FAM111A: variants seen among roughly 807,000 people sequenced by gnomAD.
FAM111A encodes the protein serine protease FAM111A.
Under a neutral mutation model 3.3 loss-of-function variants are expected in FAM111A, and 8 were observed. That is an observed-to-expected ratio of 2.39 (90% CI 1.40 to 4.32). The LOEUF is 4.32. Among genes scored for constraint, FAM111A ranks in the 30% most tolerant of loss-of-function variants. The probability of loss-of-function intolerance (pLI) is 0.00; values close to 1 mark genes in which losing one functional copy is unlikely to be tolerated. For synonymous variants in FAM111A, 227 were observed against 243.1 expected (o/e 0.93, Z 0.62); for missense variants, 683 against 727.6 (o/e 0.94, Z 0.71).
rs1321018495 is a variant in FAM111A, at chr11:59,151,784, C to T, written c.116C>T (p.Ser39Phe). ...SKEQQNNCST[S>F]LMRMESRGDP... ...GAGCAACAGAATAATTGCAGTACTT[C>T]TCTAATGAGGATGGAGTCTAGAGGA... The change falls in exon 6 of 6, where the codon TCT becomes TTT. Residue 39 changes from serine to phenylalanine, a missense_variant. Ser to Phe is a radical substitution (Grantham distance 155). Coordinates refer to ENST00000675163, the MANE Select transcript of FAM111A (RefSeq NM_001312909.2). 6.2e-7 allele frequency: 1 copy of T among 1,602,654 alleles called. No individual in the cohort carries two copies. Among genetic ancestry groups the T allele is most frequent in the Non-Finnish European group, 8.5e-7 (1 of 1,177,076 alleles).
chr11:59,147,900 T>C (rs186134102), intron 4 of FAM111A, among the ~76,000 whole-genome samples: 1 of 152,208 alleles, frequency 6.6e-6, no homozygotes. Flanking sequence ...AGTACCTATC[T>C]CATAGGGTTG....
intron 5 of FAM111A, 23 bp from the exon 6 acceptor site, chr11:59,151,727 A>G: frequency 6.6e-7 from 1 of 1,515,510 alleles, no homozygotes; most frequent in Non-Finnish European, 8.9e-7. Flanking sequence ...CAGAGTTTTA[A>G]AGTATCTAAC....
At chr11:59,147,458 C>T (rs963099942) in intron 4 of FAM111A, among the ~76,000 whole-genome samples, 16 of 152,276 alleles carry the variant, frequency 1.1e-4, no homozygotes, top group Non-Finnish European at 1.9e-4. Context: ...TGGAAGTTAT[C>T]TAAAGATTAT....
chr11:59,145,561 C>T (rs1210548087), intron 3 of FAM111A: 1 of 152,198 alleles, frequency 6.6e-6, no homozygotes, highest in Non-Finnish European at 1.5e-5. Flanking sequence ...GTTTTCTTAA[C>T]CTCTTGCCCC....
In FAM111A at chr11:59,152,881, G is replaced by T. The variant is rs767459625; in HGVS notation, c.1213G>T (p.Gly405Cys). 5 of 1,614,074 alleles carry T rather than the reference G, an allele frequency of 3.1e-6. No individual in the cohort carries two copies. The highest frequency in any genetic ancestry group is 3.4e-6 in the Non-Finnish European group (4 of 1,180,008). The part of the protein sequence containing the change: ...IEPSKWATII[G>C]QCVRVTFGYE... ...GCCAAGTAAGTGGGCAACCATAATT[G>T]GTCAATGTGTAAGGGTGACATTTGG... The change falls in exon 6 of 6, where the codon GGT becomes TGT. Residue 405 changes from glycine (G) to cysteine (C), a missense_variant. This residue lies in a region of FAM111A where 557 missense variants were observed against 600.2 expected (regional missense o/e 0.93). Transcript: ENST00000675163.
Position 59,152,775 on chromosome 11 carries a change from C to T in FAM111A, c.1107C>T (p.Tyr369=), listed in dbSNP as rs780803340. Reference sequence around the variant, plus strand: ...TCTGGGACAGTGCAACTACGGGTTACGCCACCTGCTTTGTTTTTAAAGGAT... The same window carrying T: ...TCTGGGACAGTGCAACTACGGGTTATGCCACCTGCTTTGTTTTTAAAGGAT... ...YLFWDSATTG[Y]ATCFVFKGLF... The change falls in exon 6 of 6, where the codon TAC becomes TAT. Residue 369 remains tyrosine (Y), a synonymous_variant. Transcript: ENST00000675163. 1.5e-4 allele frequency: 239 copies of T among 1,614,010 alleles called. 1 individual carries two copies. Among genetic ancestry groups the T allele is most frequent in the Non-Finnish European group, 1.8e-4 (214 of 1,180,022 alleles).
In FAM111A at chr11:59,143,688, A is replaced by G. The variant is rs987656940; in HGVS notation, c.-114A>G. 2 of 152,238 alleles carry G rather than the reference A, an allele frequency of 1.3e-5. No homozygotes were observed. The highest frequency in any genetic ancestry group is 2.4e-5 in the African/African-American group (1 of 41,460). The allele number at this position is 152,238 out of a possible 1,614,324, so 9.4% of individuals were successfully genotyped here. ...ACTCTAAGTGACAAATGTTGAGTAC[A>G]TTATCAGGTATGTTCACTATTGTGA... On this transcript the variant is annotated 5_prime_UTR_variant, in exon 3 of 6. Coordinates refer to ENST00000675163, the MANE Select transcript of FAM111A (RefSeq NM_001312909.2).
At chr11:59,144,242 C>G (rs1860523729) in intron 3 of FAM111A, 1 of 152,228 alleles carries the variant, frequency 6.6e-6, no homozygotes, top group Non-Finnish European at 1.5e-5. Flanking sequence ...ACCTCCCAAC[C>G]CTCAACTCAG....
chr11:59,154,171 C>T lies in FAM111A; in HGVS notation c.*667C>T, dbSNP rs1280804948. ...AGTGCAGGAACCAAAACTTGTTCAT[C>T]TCATGATTCCCTACATCTGACATAA... On this transcript the variant is annotated 3_prime_UTR_variant, in exon 6 of 6. Coordinates refer to ENST00000675163, the MANE Select transcript of FAM111A (RefSeq NM_001312909.2). 6.6e-6 allele frequency: 1 copy of T among 152,100 alleles called. No homozygotes were observed. Among genetic ancestry groups the T allele is most frequent in the Non-Finnish European group, 1.5e-5 (1 of 68,022 alleles). The allele number at this position is 152,100 out of a possible 1,614,324, so 9.4% of individuals were successfully genotyped here. A position where few individuals can be genotyped will look rare whatever the true frequency, so the allele number is the denominator to read the frequency against.
chr11:59,149,620 CAT>C (rs1340435312), intron 5 of FAM111A, among the ~76,000 whole-genome samples: 1 of 152,116 alleles, frequency 6.6e-6, no homozygotes, highest in Non-Finnish European at 1.5e-5. Flanking sequence ...AGCATGAAAA[CAT>C]ATACCATTCC....
intron 5 of FAM111A, among the ~76,000 whole-genome samples, chr11:59,150,439 C>T (rs1305101203): frequency 6.6e-6 from 1 of 152,080 alleles, no homozygotes; most frequent in Non-Finnish European, 1.5e-5. Flanking sequence ...TTGTTATTCC[C>T]AGTAGTAGTA....
At position 59,152,402 on chromosome 11, in the gene FAM111A, A is replaced by ACAATGACACCATTTTAG; in HGVS notation, c.735_751dup (p.Glu251AlafsTer6). On this transcript the variant is annotated frameshift_variant, in exon 6 of 6. Coordinates refer to ENST00000675163, the MANE Select transcript of FAM111A (RefSeq NM_001312909.2). LOFTEE classifies it low-confidence loss of function (END_TRUNC). ...AATGATGATTGGAAACTCATTGAAA[A>ACAATGACACCATTTTAG]CAATGACACCATTTTAGAAAGCACC... 1 of 1,614,148 alleles carries ACAATGACACCATTTTAG rather than the reference A, an allele frequency of 6.2e-7. No homozygotes were observed. The highest frequency in any genetic ancestry group is 8.5e-7 in the Non-Finnish European group (1 of 1,180,012).
chr11:59,152,017 GAGAT>G lies in FAM111A; in HGVS notation c.353_356del (p.Ile118LysfsTer20), dbSNP rs1358369199. The G allele has an allele frequency of 1.5e-5, 24 of 1,614,050 alleles. No homozygotes were observed. The East Asian group carries it at 1.6e-4, about 10-fold the overall frequency. On this transcript the variant is annotated frameshift_variant, in exon 6 of 6. Coordinates refer to ENST00000675163, the MANE Select transcript of FAM111A (RefSeq NM_001312909.2). LOFTEE classifies it low-confidence loss of function (END_TRUNC). The stretch of plus-strand genomic sequence containing the variant: ...CAACACTCTCCAGGCTGTCAGAAAA[GAGAT>G]AGAAACTCACCAAGGCCAAGAAATG...
In FAM111A at chr11:59,152,664, A is replaced by G. The variant is rs146570685; in HGVS notation, c.996A>G (p.Thr332=). The change falls in exon 6 of 6, where the codon ACA becomes ACG. Residue 332 remains threonine, a synonymous_variant. Coordinates refer to ENST00000675163, the MANE Select transcript of FAM111A (RefSeq NM_001312909.2). ...AAACATTATTTGAATTGCATAGAAC[A>G]ACGTTTGGGAAAGTAACAAAAAATT... The part of the protein sequence containing the change: ...NGETLFELHR[T]TFGKVTKNSS... The G allele has an allele frequency of 6.2e-7, 1 of 1,614,134 alleles. No individual in the cohort carries two copies. The highest frequency in any genetic ancestry group is 8.5e-7 in the Non-Finnish European group (1 of 1,179,984).
Position 59,151,958 on chromosome 11 carries a change from C to T in FAM111A, c.290C>T (p.Thr97Ile), listed in dbSNP as rs750070777. ...AACCAAGATATGAAACTTAAGCTCA[C>T]ACATAGTGAGAATAGTAGCTTATAT... The part of the protein sequence containing the change: ...RRNQDMKLKL[T>I]HSENSSLYMA... The change falls in exon 6 of 6, where the codon ACA (threonine) becomes ATA (isoleucine). Residue 97 changes from threonine to isoleucine, a missense_variant. Physicochemically the swap from Thr to Ile is moderately conservative, Grantham distance 89. Around this residue, in one of 3 missense-constraint regions of FAM111A, gnomAD observed 557 missense variants for 600.2 expected, o/e 0.93. Transcript: ENST00000675163. 3 of 1,614,098 alleles carry T rather than the reference C, an allele frequency of 1.9e-6. No homozygotes were observed. Among genetic ancestry groups the T allele is most frequent in the South Asian group, 2.2e-5 (2 of 91,084 alleles).
Position 59,151,836 on chromosome 11 carries a change from G to T in FAM111A, c.168G>T (p.Gln56His), listed in dbSNP as rs1477102494. Reference sequence around the variant, plus strand: ...ACCCAAGAGCCACAACTAATACCCAGGCTCAAAGATTCCATTCACCTAAGA... The same window carrying T: ...ACCCAAGAGCCACAACTAATACCCATGCTCAAAGATTCCATTCACCTAAGA... Reference protein sequence around the residue: ...RGDPRATTNTQAQRFHSPKKN... With the variant: ...RGDPRATTNTHAQRFHSPKKN... Residue 56 changes from glutamine (Q) to histidine (H), a missense_variant, in exon 6 of 6, where the codon CAG (glutamine) becomes CAT (histidine). By Grantham distance (24) the Gln-to-His change is conservative. Around this residue, in one of 3 missense-constraint regions of FAM111A, gnomAD observed 557 missense variants for 600.2 expected, o/e 0.93. Transcript: ENST00000675163. 2 of 1,614,080 alleles carry T rather than the reference G, an allele frequency of 1.2e-6. No homozygotes were observed. Among genetic ancestry groups the T allele is most frequent in the Middle Eastern group, 3.3e-4 (2 of 6,062 alleles).
chr11:59,150,472 CCCATATCTGCTGGTACCCATG>C, intron 5 of FAM111A, among the ~76,000 whole-genome samples: 1 of 152,226 alleles, frequency 6.6e-6, no homozygotes, highest in Middle Eastern at 3.4e-3. Flanking sequence ...GGCATACGGA[CCCATATCTGCTGGTACCCATG>C]CCATGATGAA....
intron 5 of FAM111A, among the ~76,000 whole-genome samples, chr11:59,150,202 T>A (rs1861473405): frequency 6.6e-6 from 1 of 152,190 alleles, no homozygotes; most frequent in African/African-American, 2.4e-5. Flanking sequence ...ATAGGGTGCA[T>A]GACAAAGATG....
chr11:59,151,796 T>G lies in FAM111A; in HGVS notation c.128T>G (p.Met43Arg), dbSNP rs1861693130. The G allele has an allele frequency of 1.2e-6, 2 of 1,608,506 alleles. No individual in the cohort carries two copies. Among genetic ancestry groups the G allele is most frequent in the African/African-American group, 1.3e-5 (1 of 74,278 alleles). The change falls in exon 6 of 6, where the codon ATG (methionine) becomes AGG (arginine). Residue 43 changes from methionine to arginine, a missense_variant. Met to Arg is a moderately conservative substitution (Grantham distance 91). This residue lies in a region of FAM111A where 557 missense variants were observed against 600.2 expected (regional missense o/e 0.93). Coordinates refer to ENST00000675163, the MANE Select transcript of FAM111A (RefSeq NM_001312909.2). Reference sequence around the variant, plus strand: ...AATTGCAGTACTTCTCTAATGAGGATGGAGTCTAGAGGAGACCCAAGAGCC... The same window carrying G: ...AATTGCAGTACTTCTCTAATGAGGAGGGAGTCTAGAGGAGACCCAAGAGCC... Reference protein sequence around the residue: ...QNNCSTSLMRMESRGDPRATT... With the variant: ...QNNCSTSLMRRESRGDPRATT...
Sources: gnomAD v4.1 joint callset for allele counts (sites outside exome capture counted in the v4.1 genomes callset) on GRCh38, gnomAD v4.1.1 for gene constraint, gnomAD v4.1.1 regional missense constraint, MANE v1.5 for transcripts, NCBI Gene and HGNC (gene_info 2026-07-23, HGNC 2026-07-21) for gene names.